MMP26: variants seen among roughly 807,000 people sequenced by gnomAD.
MMP26 encodes matrix metalloproteinase-26.
In MMP26, 33 loss-of-function variants were observed where a neutral mutation model predicts 31.0. The observed-to-expected ratio is 1.06, with a 90% confidence interval of 0.81 to 1.42. MMP26 has a LOEUF of 1.42. Among genes scored for constraint, MMP26 ranks in the 40% most tolerant of loss-of-function variants. The probability of loss-of-function intolerance (pLI) is 0.00; values close to 1 mark genes in which losing one functional copy is unlikely to be tolerated. For missense variants in MMP26, 347 were observed against 316.1 expected (o/e 1.10, Z -0.74); for synonymous variants, 122 against 114.9 (o/e 1.06, Z -0.40).
At position 4,742,013 on chromosome 11, in the gene MMP26, A is replaced by C. The variant is rs147277815; in HGVS notation, c.-216-25257A>C. 7.1e-4 allele frequency among the ~76,000 whole-genome samples: 108 copies of C among 152,294 alleles called. No homozygotes were observed. The East Asian group carries it at 0.013, about 19-fold the overall frequency. ...AGAGGACAAAACTAGAGCCAGCAAG[A>C]GGGAGACTGTGAGATAGTACTTCTA... On this transcript the variant is annotated intron_variant, in intron 1 of 7. Transcript: ENST00000380390.
At chr11:4,736,015 A>C (rs183856858) in intron 1 of MMP26, among the ~76,000 whole-genome samples, 8 of 152,276 alleles carry the variant, frequency 5.3e-5, no homozygotes, top group Non-Finnish European at 1.2e-4. Flanking sequence ...ATAAAGAATA[A>C]ATTTCCACCA....
At chr11:4,750,423 G>C (rs1310835666) in intron 1 of MMP26, among the ~76,000 whole-genome samples, 2 of 152,026 alleles carry the variant, frequency 1.3e-5, no homozygotes, top group Non-Finnish European at 2.9e-5. Context: ...CTACTGAGTA[G>C]TTTCCCAAGG....
At chr11:4,917,197 A>T (rs1169592715) in intron 2 of MMP26, among the ~76,000 whole-genome samples, 2 of 152,162 alleles carry the variant, frequency 1.3e-5, no homozygotes, top group African/African-American at 4.8e-5. Flanking sequence ...AACTAATAGT[A>T]ACTTGGTGCA....
chr11:4,867,021 G>A (rs1850244583), intron 2 of MMP26, among the ~76,000 whole-genome samples: 1 of 152,032 alleles, frequency 6.6e-6, no homozygotes, highest in South Asian at 2.1e-4. Flanking sequence ...TCATAGGCAT[G>A]AGGAACGATT....
At chr11:4,976,651 G>A (rs1217394941) in intron 2 of MMP26, among the ~76,000 whole-genome samples, 1 of 151,936 alleles carries the variant, frequency 6.6e-6, no homozygotes, top group African/African-American at 2.4e-5. Context: ...AGGCCTCTGA[G>A]GATGACACCT....
At chr11:4,735,567 A>G (rs1848229026) in intron 1 of MMP26, among the ~76,000 whole-genome samples, 1 of 152,200 alleles carries the variant, frequency 6.6e-6, no homozygotes, top group Admixed American at 6.5e-5. Flanking sequence ...GCCAGTATCT[A>G]TATATCCTAA....
chr11:4,813,005 G>GTA (rs1323860547), intron 2 of MMP26, among the ~76,000 whole-genome samples: 4 of 145,240 alleles, frequency 2.8e-5, no homozygotes, highest in African/African-American at 1.1e-4. Context: ...GCGAGTGTGT[G>GTA]TGTGTGTATG....
intron 2 of MMP26, among the ~76,000 whole-genome samples, chr11:4,783,543 T>C (rs1333541316): frequency 1.3e-5 from 2 of 152,178 alleles, no homozygotes; most frequent in Non-Finnish European, 2.9e-5. Flanking sequence ...TTTGAGTTGA[T>C]GCTGAAATGA....
chr11:4,826,053 G>C (rs1412909081), intron 2 of MMP26, among the ~76,000 whole-genome samples: 2 of 152,084 alleles, frequency 1.3e-5, no homozygotes, highest in Non-Finnish European at 2.9e-5. Context: ...CCCAAGCACT[G>C]GGATAAAGCA....
chr11:4,891,330 G>A (rs1589930800), intron 2 of MMP26, among the ~76,000 whole-genome samples: 1 of 152,168 alleles, frequency 6.6e-6, no homozygotes, highest in East Asian at 1.9e-4. Flanking sequence ...ATGTCACATG[G>A]CAAAAACAAA....
rs554899111 is a variant in MMP26, at chr11:4,949,126, T to C, written c.-144-38942T>C. ...GACAGGCAGTGCATTACTATCATGG[T>C]GGATGGCATATAGTAGCTTATTAAA... On this transcript the variant is annotated intron_variant, in intron 2 of 7. Coordinates refer to ENST00000380390, the MANE Select transcript of MMP26 (RefSeq NM_021801.5). Among the ~76,000 whole-genome samples the C allele has an allele frequency of 1.3e-4, 16 of 125,008 alleles. 2 individuals are homozygous for C. The highest frequency in any genetic ancestry group is 3.8e-4 in the African/African-American group (14 of 37,076). The allele number at this position is 125,008 out of a possible 152,430, so 82.0% of individuals were successfully genotyped here.
chr11:4,956,678 C>A (rs1846448154), intron 2 of MMP26, among the ~76,000 whole-genome samples: 1 of 152,128 alleles, frequency 6.6e-6, no homozygotes, highest in African/African-American at 2.4e-5. Flanking sequence ...ATTCCTGAAT[C>A]CTGGATCCAT....
At chr11:4,766,901 A>G (rs11605168) in intron 1 of MMP26, among the ~76,000 whole-genome samples, 7,245 of 152,096 alleles carry the variant, frequency 0.048, 236 homozygotes, top group Middle Eastern at 0.12. Context: ...TAATGTTAGT[A>G]TATATTACAT....
intron 2 of MMP26, among the ~76,000 whole-genome samples, chr11:4,851,480 A>G (rs752187944): frequency 6.6e-6 from 1 of 152,210 alleles, no homozygotes; most frequent in Non-Finnish European, 1.5e-5. Flanking sequence ...GGAAGAAATG[A>G]AGAGTACTGG....
At chr11:4,873,170 AG>A (rs978632017) in intron 2 of MMP26, among the ~76,000 whole-genome samples, 2 of 152,124 alleles carry the variant, frequency 1.3e-5, no homozygotes, top group Non-Finnish European at 2.9e-5. Flanking sequence ...TTAAGGAATC[AG>A]GGGCCTCGTT....
At chr11:4,965,408 T>C (rs1243806305) in intron 2 of MMP26, among the ~76,000 whole-genome samples, 1 of 152,220 alleles carries the variant, frequency 6.6e-6, no homozygotes, top group East Asian at 1.9e-4. Context: ...TAGGTACAGA[T>C]ATAAAAGTGG....
chr11:4,792,115 G>A (rs1014329812), intron 2 of MMP26, among the ~76,000 whole-genome samples: 7 of 151,442 alleles, frequency 4.6e-5, no homozygotes, highest in African/African-American at 1.7e-4. Context: ...GAAGTGACAA[G>A]AGGGTTTAAT....
At chr11:4,977,682 A>G (rs1369319942) in intron 2 of MMP26, among the ~76,000 whole-genome samples, 1 of 152,062 alleles carries the variant, frequency 6.6e-6, no homozygotes, top group Non-Finnish European at 1.5e-5. Context: ...TTCAGAATTC[A>G]TATAGGCCTT....
chr11:4,972,405 A>G (rs1486910127), intron 2 of MMP26, among the ~76,000 whole-genome samples: 1 of 152,244 alleles, frequency 6.6e-6, no homozygotes, highest in Admixed American at 6.5e-5. Context: ...TGAATTAAAT[A>G]AAATGAGTAA....
Sources: allele counts gnomAD v4.1 joint callset (sites outside exome capture counted in the v4.1 genomes callset), GRCh38; gene constraint gnomAD v4.1.1; transcripts MANE v1.5; gene names NCBI Gene and HGNC (gene_info 2026-07-23, HGNC 2026-07-21).